The following CNGB3 variants were observed in gnomAD, a reference collection of about 807,000 sequenced individuals.
The protein encoded by CNGB3 is cyclic nucleotide gated channel subunit beta 3, also known as cyclic nucleotide-gated channel beta-3.
Under a neutral mutation model 92.8 loss-of-function variants are expected in CNGB3, and 86 were observed. That is an observed-to-expected ratio of 0.93 (90% CI 0.78 to 1.11). The LOEUF (loss-of-function observed/expected upper bound fraction) is 1.11. Ranked by LOEUF, CNGB3 falls within the 50% of genes least tolerant of loss-of-function variation. CNGB3 has a pLI of 0.00. For synonymous variants in CNGB3, 333 were observed against 332.7 expected, an observed-to-expected ratio of 1.00 and a Z score of -0.01; for missense variants, 1,026 against 956.8, an observed-to-expected ratio of 1.07 and a Z score of -0.95.
intron 14 of CNGB3, among the ~76,000 whole-genome samples, chr8:86,606,820 G>A (rs1822420417): frequency 6.6e-6 from 1 of 152,180 alleles, no homozygotes; most frequent in African/African-American, 2.4e-5. Context: ...GCAGGTGACA[G>A]CGCCAGAACT....
chr8:86,623,387 G>A (rs1412262472), intron 13 of CNGB3, among the ~76,000 whole-genome samples: 1 of 152,118 alleles, frequency 6.6e-6, no homozygotes, highest in Non-Finnish European at 1.5e-5. Flanking sequence ...TCTGAAGACC[G>A]AGAAGTCCAA....
At chr8:86,636,401 G>A (rs867919439) in intron 10 of CNGB3, among the ~76,000 whole-genome samples, 18 of 151,254 alleles carry the variant, frequency 1.2e-4, no homozygotes, top group African/African-American at 3.4e-4. Flanking sequence ...GTGAAACCCC[G>A]TGTCTACTTA....
chr8:86,741,129 A>G (rs966364746), intron 1 of CNGB3, among the ~76,000 whole-genome samples: 2 of 152,188 alleles, frequency 1.3e-5, no homozygotes, highest in African/African-American at 4.8e-5. Flanking sequence ...AAAACACAAC[A>G]TACATTGATA....
Position 86,643,781 on chromosome 8 carries a change from G to A in CNGB3, c.1148C>T (p.Thr383Ile), listed in dbSNP as rs1823237582. The stretch of plus-strand genomic sequence containing the variant: ...TCCTTCCCCATCATACACCCATCTA[G>A]TAGTGCCAATTCCTTCATAGTTTGA... ...WASNYEGIGT[T>I]RWVYDGEGNE... is the part of the protein sequence containing the mutation. The change falls in exon 10 of 18, where the codon ACT becomes ATT. Residue 383 changes from threonine (T) to isoleucine (I), a missense_variant. By Grantham distance (89) the Thr-to-Ile change is moderately conservative. Transcript: ENST00000320005. 1 of 1,598,374 alleles carries A rather than the reference G, an allele frequency of 6.3e-7. No homozygotes were observed. Among genetic ancestry groups the A allele is most frequent in the Admixed American group, 1.7e-5 (1 of 59,174 alleles).
At chr8:86,708,010 A>G (rs1563762099) in intron 3 of CNGB3, 1 of 152,186 alleles carries the variant, frequency 6.6e-6, no homozygotes, top group Non-Finnish European at 1.5e-5. Flanking sequence ...GGAAATTAAG[A>G]GTTGGTTTTG....
In CNGB3 at chr8:86,613,959, T is replaced by C. The variant is rs554859261; in HGVS notation, c.1579-2288A>G. Among the ~76,000 whole-genome samples, 22 of 148,014 alleles carry C rather than the reference T, an allele frequency of 1.5e-4. No homozygotes were observed. The South Asian group carries it at 4.4e-3, about 30-fold the overall frequency. On this transcript the variant is annotated intron_variant, in intron 13 of 17. Coordinates refer to ENST00000320005, the MANE Select transcript of CNGB3 (RefSeq NM_019098.5). ...TAAAATATATATTATAAAAATTATATACAATTTATATATAATTATATACAT... is the reference window on the plus strand; with the variant it reads ...TAAAATATATATTATAAAAATTATACACAATTTATATATAATTATATACAT...
chr8:86,632,740 T>C lies in CNGB3; in HGVS notation c.1320+12A>G, dbSNP rs780595482. 4 of 1,612,954 alleles carry C rather than the reference T, an allele frequency of 2.5e-6. No homozygotes were observed. The South Asian group carries it at 3.3e-5, about 13-fold the overall frequency. The stretch of plus-strand genomic sequence containing the variant: ...ACAGCACTGTGTATCCAGTGATTCA[T>C]ACTCAGCTTACCTGACCAATTAAAC... On this transcript the variant is annotated intron_variant, in intron 11 of 17. Coordinates refer to ENST00000320005, the MANE Select transcript of CNGB3 (RefSeq NM_019098.5).
chr8:86,588,922 C>G (rs1243021830), intron 15 of CNGB3, among the ~76,000 whole-genome samples: 1 of 151,644 alleles, frequency 6.6e-6, no homozygotes, highest in Non-Finnish European at 1.5e-5. Context: ...GGTACCAGTT[C>G]CTCCTTGTAC....
chr8:86,579,422 G>C (rs1239659679), intron 15 of CNGB3, among the ~76,000 whole-genome samples, 170 bp from the exon 16 acceptor site: 2 of 152,170 alleles, frequency 1.3e-5, no homozygotes, highest in African/African-American at 4.8e-5. Context: ...GAATAGAAAT[G>C]GCTCAGTTTT....
At chr8:86,630,692 T>C (rs1822946695) in intron 11 of CNGB3, among the ~76,000 whole-genome samples, 1 of 152,052 alleles carries the variant, frequency 6.6e-6, no homozygotes, top group Admixed American at 6.6e-5. Context: ...ATAGTGAGAC[T>C]CTGTTTCTAC....
At chr8:86,719,900 G>A (rs1824933207) in intron 3 of CNGB3, among the ~76,000 whole-genome samples, 1 of 152,152 alleles carries the variant, frequency 6.6e-6, no homozygotes, top group Non-Finnish European at 1.5e-5. Context: ...GTGGGGAAAG[G>A]ACACCCTTTT....
At chr8:86,661,404 G>A in intron 6 of CNGB3, 1 of 448,494 alleles carries the variant, frequency 2.2e-6, no homozygotes, top group African/African-American at 2.0e-5. Context: ...TCAGGAAGAG[G>A]ACAAAAAAAT....
intron 3 of CNGB3, among the ~76,000 whole-genome samples, chr8:86,704,783 G>T (rs1824621152): frequency 6.6e-6 from 1 of 152,086 alleles, no homozygotes; most frequent in African/African-American, 2.4e-5. Context: ...AATTCTTTAG[G>T]CTCTCTTTTC....
chr8:86,667,131 G>T lies in CNGB3; in HGVS notation c.646C>A (p.Arg216=). 6.2e-7 allele frequency: 1 copy of T among 1,613,420 alleles called. No individual in the cohort carries two copies. Among genetic ancestry groups the T allele is most frequent in the Non-Finnish European group, 8.5e-7 (1 of 1,179,516 alleles). Reference sequence around the variant, plus strand: ...AGCAAGAGCCACAGGAGATAGAGTCGATCTGGAAAAACAGCAAGTGGTGAA... The same window carrying T: ...AGCAAGAGCCACAGGAGATAGAGTCTATCTGGAAAAACAGCAAGTGGTGAA... ...LPNSIDSYTD[R]LYLLWLLLVT... The change falls in exon 6 of 18, where the codon CGA becomes AGA. Residue 216 remains arginine (R), a splice_region_variant and synonymous_variant. Coordinates refer to ENST00000320005, the MANE Select transcript of CNGB3 (RefSeq NM_019098.5).
intron 14 of CNGB3, among the ~76,000 whole-genome samples, chr8:86,610,394 A>T (rs1164018065): frequency 6.6e-6 from 1 of 152,112 alleles, no homozygotes; most frequent in Non-Finnish European, 1.5e-5. Flanking sequence ...CTCTATAGAC[A>T]CAGTTCCTTC....
chr8:86,586,614 A>G (rs1054276264), intron 15 of CNGB3, among the ~76,000 whole-genome samples: 1 of 151,110 alleles, frequency 6.6e-6, no homozygotes, highest in African/African-American at 2.5e-5. Context: ...GCGATAGTTT[A>G]CTGAGAATGA....
At chr8:86,720,207 G>A (rs888974181) in intron 3 of CNGB3, among the ~76,000 whole-genome samples, 21 of 152,280 alleles carry the variant, frequency 1.4e-4, no homozygotes, top group South Asian at 8.3e-4. Context: ...AGAGTTAACA[G>A]ACAACCCACA....
intron 12 of CNGB3, among the ~76,000 whole-genome samples, chr8:86,626,919 G>A (rs1822860758): frequency 6.6e-6 from 1 of 151,666 alleles, no homozygotes; most frequent in Non-Finnish European, 1.5e-5. Context: ...CTCATGTCAT[G>A]GGGATTTGTT....
intron 6 of CNGB3, chr8:86,659,632 T>C (rs1223549804): frequency 7.8e-6 from 4 of 513,764 alleles, no homozygotes; most frequent in Non-Finnish European, 1.5e-5. Flanking sequence ...CCAGGAATAC[T>C]GCAGGCAGCT....
Sources: allele counts gnomAD v4.1 joint callset (sites outside exome capture counted in the v4.1 genomes callset), GRCh38; gene constraint gnomAD v4.1.1; transcripts MANE v1.5; gene names NCBI Gene and HGNC (gene_info 2026-07-23, HGNC 2026-07-21).